Variants in MS4A15 observed in about 807,000 individuals in gnomAD.
The protein encoded by MS4A15 is membrane spanning 4-domains A15, also known as membrane-spanning 4-domains subfamily A member 15.
Under a neutral mutation model 20.6 loss-of-function variants are expected in MS4A15, and 22 were observed. The observed-to-expected ratio is 1.07, with a 90% CI of 0.76 to 1.52. The LOEUF (loss-of-function observed/expected upper bound fraction) is 1.52, where lower values mean the gene tolerates loss of function less well. Ranked by LOEUF, MS4A15 falls within the 40% of genes most tolerant of loss-of-function variation. The pLI is 0.00. For missense variants in MS4A15, 312 were observed against 323.0 expected (o/e 0.97, Z 0.26); for synonymous variants, 129 against 129.3 (o/e 1.00, Z 0.02).
At chr11:60,767,462 G>T (rs1450537889) in intron 2 of MS4A15, 71 bp from the exon 3 acceptor site, 17 of 1,405,010 alleles carry the variant, frequency 1.2e-5, no homozygotes, top group Admixed American at 3.3e-5. Flanking sequence ...GGCCAGCCAC[G>T]CTCTCCGCGG....
Position 60,773,920 on chromosome 11 carries a change from G to C in MS4A15, c.582G>C (p.Gly194=). ...CAGCGGTCATTGCCATGCACTTCGG[G>C]TGCCAAGCCATCCATGCCCAGGCCA... ...FFTAVIAMHF[G]CQAIHAQASA... is the part of the protein sequence containing the mutation. The change falls in exon 6 of 7, where the codon GGG becomes GGC. Residue 194 remains glycine (G), a synonymous_variant. Coordinates refer to ENST00000405633, the MANE Select transcript of MS4A15 (RefSeq NM_001098835.2). The C allele has an allele frequency of 6.2e-7, 1 of 1,614,070 alleles. No individual in the cohort carries two copies. Among genetic ancestry groups the C allele is most frequent in the Non-Finnish European group, 8.5e-7 (1 of 1,180,024 alleles).
At position 60,767,562 on chromosome 11, in the gene MS4A15, C is replaced by T; in HGVS notation, c.255C>T (p.His85=). The change falls in exon 3 of 7, where the codon CAC becomes CAT. Residue 85 remains histidine, a synonymous_variant. Coordinates refer to ENST00000405633, the MANE Select transcript of MS4A15 (RefSeq NM_001098835.2). ...TGCAGATCCTCATCGGCCTCATCCA[C>T]CTAGGCTTTGGCAGCGTGCTGCTCA... The part of the protein sequence containing the change: ...GTVQILIGLI[H]LGFGSVLLMV... The T allele has an allele frequency of 6.4e-7, 1 of 1,551,876 alleles. No homozygotes were observed. Among genetic ancestry groups the T allele is most frequent in the Non-Finnish European group, 8.7e-7 (1 of 1,147,116 alleles).
intron 1 of MS4A15, among the ~76,000 whole-genome samples, chr11:60,758,352 G>A (rs1853643242): frequency 6.6e-6 from 1 of 152,150 alleles, no homozygotes; most frequent in African/African-American, 2.4e-5. Flanking sequence ...TCAACCGACT[G>A]CAAGCTGCAA....
chr11:60,764,423 G>C, intron 2 of MS4A15, among the ~76,000 whole-genome samples: 1 of 152,218 alleles, frequency 6.6e-6, no homozygotes, highest in East Asian at 1.9e-4. Context: ...CAAAGGAAAG[G>C]GGGAGGTGAG....
chr11:60,766,966 G>A (rs758732366), intron 2 of MS4A15, among the ~76,000 whole-genome samples: 30 of 152,238 alleles, frequency 2.0e-4, no homozygotes, highest in Non-Finnish European at 3.7e-4. Context: ...CTATTTGGCA[G>A]ACCTTACTAG....
intron 4 of MS4A15, among the ~76,000 whole-genome samples, chr11:60,772,961 C>T (rs1345419228): frequency 6.6e-6 from 1 of 152,200 alleles, no homozygotes; most frequent in Non-Finnish European, 1.5e-5. Context: ...AACTCAACCC[C>T]TCTCCCAACC....
At chr11:60,769,583 C>T (rs1014882408) in intron 3 of MS4A15, among the ~76,000 whole-genome samples, 4 of 152,168 alleles carry the variant, frequency 2.6e-5, no homozygotes, top group Non-Finnish European at 5.9e-5. Context: ...CTCTTGACAA[C>T]TCCGCTTGAT....
chr11:60,769,212 G>A (rs867214965), intron 3 of MS4A15, among the ~76,000 whole-genome samples: 3 of 152,214 alleles, frequency 2.0e-5, no homozygotes, highest in Non-Finnish European at 2.9e-5. Context: ...AGACATGAGC[G>A]TCGGGAGATC....
At chr11:60,765,487 G>A (rs960559134) in intron 2 of MS4A15, among the ~76,000 whole-genome samples, 7 of 151,938 alleles carry the variant, frequency 4.6e-5, no homozygotes, top group African/African-American at 1.7e-4. Flanking sequence ...GTACTGTGCC[G>A]GGGACTTTGC....
At chr11:60,773,309 G>A in intron 4 of MS4A15, 83 bp from the exon 5 acceptor site, 1 of 1,169,354 alleles carries the variant, frequency 8.6e-7, no homozygotes, top group Non-Finnish European at 1.2e-6. Flanking sequence ...GCGTGCTGGG[G>A]GCTGGGCAGC....
At chr11:60,769,868 C>T (rs1044005321) in intron 3 of MS4A15, among the ~76,000 whole-genome samples, 17 of 152,320 alleles carry the variant, frequency 1.1e-4, no homozygotes, top group South Asian at 8.3e-4. Context: ...TGAGCTACAC[C>T]TGCTTGAGAC....
At chr11:60,774,040 G>C in intron 6 of MS4A15, 90 bp downstream of exon 6, 1 of 921,560 alleles carries the variant, frequency 1.1e-6, no homozygotes, top group Non-Finnish European at 1.8e-6. Flanking sequence ...TCTGCCTCCA[G>C]ACCCCTCCCT....
intron 5 of MS4A15, 142 bp from the exon 6 acceptor site, chr11:60,773,695 G>A (rs1162969567): frequency 2.5e-6 from 2 of 808,522 alleles, no homozygotes; most frequent in African/African-American, 1.7e-5. Flanking sequence ...AGGGGAGGGT[G>A]CAGGACTGGC....
At chr11:60,774,675 G>A (rs1379776103) in intron 6 of MS4A15, among the ~76,000 whole-genome samples, 1 of 152,132 alleles carries the variant, frequency 6.6e-6, no homozygotes, top group Non-Finnish European at 1.5e-5. Context: ...ATTAAGCTTT[G>A]ATTTCCAAAA....
At chr11:60,775,381 T>C (rs111292107) in intron 6 of MS4A15, among the ~76,000 whole-genome samples, 1 of 152,100 alleles carries the variant, frequency 6.6e-6, no homozygotes, top group South Asian at 2.1e-4. Flanking sequence ...ATGGGACTTT[T>C]GTCTGTTTTG....
At chr11:60,771,840 T>A in intron 4 of MS4A15, 1 of 1,120,626 alleles carries the variant, frequency 8.9e-7, no homozygotes, top group Non-Finnish European at 1.1e-6. Context: ...CTTGGTGCCT[T>A]CTGCAGGCAC....
At chr11:60,766,879 G>A (rs1166109191) in intron 2 of MS4A15, among the ~76,000 whole-genome samples, 1 of 152,232 alleles carries the variant, frequency 6.6e-6, no homozygotes, top group African/African-American at 2.4e-5. Flanking sequence ...CCCAGGGCTG[G>A]ATTCCAGCGG....
chr11:60,773,879 G>A lies in MS4A15; in HGVS notation c.541G>A (p.Val181Ile), dbSNP rs756045929. Residue 181 changes from valine (V) to isoleucine (I), a missense_variant, in exon 6 of 7, where the codon GTC becomes ATC. By Grantham distance (29) the Val-to-Ile change is conservative. Coordinates refer to ENST00000405633, the MANE Select transcript of MS4A15 (RefSeq NM_001098835.2). ...GYLAVLTIFT[V>I]LEFFTAVIAM... ...TCTGGCCGTGCTTACTATCTTCACT[G>A]TCCTGGAGTTCTTCACAGCGGTCAT... 2.5e-6 allele frequency: 4 copies of A among 1,614,190 alleles called. No homozygotes were observed. Among genetic ancestry groups the A allele is most frequent in the South Asian group, 2.2e-5 (2 of 91,078 alleles).
chr11:60,776,331 G>T lies in MS4A15; in HGVS notation c.*616G>T, dbSNP rs893459713. 4 of 152,298 alleles carry T rather than the reference G, an allele frequency of 2.6e-5. No homozygotes were observed. Among genetic ancestry groups the T allele is most frequent in the African/African-American group, 9.7e-5 (4 of 41,444 alleles). The allele number at this position is 152,298 out of a possible 1,614,324, so 9.4% of individuals were successfully genotyped here. ...GCTCCCCAGGCTCCCTGAAGTCCTG[G>T]GTCTAGGCCAGGCATTGTCCCCCTG... On this transcript the variant is annotated 3_prime_UTR_variant, in exon 7 of 7. Coordinates refer to ENST00000405633, the MANE Select transcript of MS4A15 (RefSeq NM_001098835.2).
Sources: gnomAD v4.1 joint callset for allele counts (sites outside exome capture counted in the v4.1 genomes callset) on GRCh38, gnomAD v4.1.1 for gene constraint, MANE v1.5 for transcripts, NCBI Gene and HGNC (gene_info 2026-07-23, HGNC 2026-07-21) for gene names.